Variants in MAN1A2 observed in about 807,000 individuals in gnomAD.
MAN1A2 encodes mannosyl-oligosaccharide 1,2-alpha-mannosidase IB.
A neutral mutation model predicts 75.7 loss-of-function variants in MAN1A2; 26 were observed. That is an observed-to-expected ratio of 0.34 (90% CI 0.25 to 0.48). The LOEUF (loss-of-function observed/expected upper bound fraction) is 0.48, where lower values mean the gene tolerates loss of function less well. Among genes scored for constraint, MAN1A2 ranks in the 20% least tolerant of loss-of-function variants. The pLI, the probability that MAN1A2 is intolerant of heterozygous loss-of-function variation, is 0.99. For missense variants in MAN1A2, 562 were observed against 775.5 expected (o/e 0.72, Z 3.27); for synonymous variants, 247 against 264.6 (o/e 0.93, Z 0.65).
chr1:117,447,278 A>G (rs1374808887), intron 6 of MAN1A2, among the ~76,000 whole-genome samples: 1 of 152,154 alleles, frequency 6.6e-6, no homozygotes, highest in Non-Finnish European at 1.5e-5. Context: ...TCAACACTTT[A>G]TATATAATCT....
At chr1:117,407,391 T>G (rs1647651233) in intron 3 of MAN1A2, among the ~76,000 whole-genome samples, 3 of 152,140 alleles carry the variant, frequency 2.0e-5, no homozygotes, top group Admixed American at 6.5e-5. Flanking sequence ...TTTTTGATCT[T>G]TTTCTTTTTT....
At chr1:117,516,855 G>C (rs548767669) in intron 12 of MAN1A2, among the ~76,000 whole-genome samples, 2 of 152,248 alleles carry the variant, frequency 1.3e-5, no homozygotes. Context: ...GAGAGCTGCA[G>C]AGAGAAATAA....
intron 5 of MAN1A2, among the ~76,000 whole-genome samples, chr1:117,433,699 T>G (rs1334023086): frequency 6.6e-6 from 1 of 152,202 alleles, no homozygotes; most frequent in African/African-American, 2.4e-5. Flanking sequence ...AGGAATGCCA[T>G]CGCAATACTG....
chr1:117,477,992 GACAA>G (rs367676378), intron 8 of MAN1A2, among the ~76,000 whole-genome samples: 205 of 152,066 alleles, frequency 1.3e-3, no homozygotes, highest in Middle Eastern at 3.4e-3. Context: ...ACCAATAATA[GACAA>G]ACAGAGAGCC....
At chr1:117,445,884 G>GTATATATATATATATATATATATA (rs59011673) in intron 6 of MAN1A2, among the ~76,000 whole-genome samples, 1 of 138,766 alleles carries the variant, frequency 7.2e-6, no homozygotes, top group Non-Finnish European at 1.6e-5. Context: ...CTGTGTGTGT[G>GTATATATATATATATATATATATA]TATATATATA....
intron 1 of MAN1A2, among the ~76,000 whole-genome samples, chr1:117,379,837 T>C (rs1653273005): frequency 6.6e-6 from 1 of 152,230 alleles, no homozygotes; most frequent in Non-Finnish European, 1.5e-5. Context: ...TTTTTATGGC[T>C]GAATAATATG....
intron 6 of MAN1A2, among the ~76,000 whole-genome samples, chr1:117,445,655 T>C (rs1165266883): frequency 2.6e-5 from 4 of 151,880 alleles, no homozygotes; most frequent in Admixed American, 2.6e-4. Flanking sequence ...GCCTCTCTAG[T>C]AGCTGAGACT....
chr1:117,392,972 A>T (rs1165633970), intron 1 of MAN1A2, among the ~76,000 whole-genome samples: 1 of 152,218 alleles, frequency 6.6e-6, no homozygotes, highest in East Asian at 1.9e-4. Context: ...ATTCATATTG[A>T]GAAACAGTTG....
intron 7 of MAN1A2, among the ~76,000 whole-genome samples, chr1:117,460,957 G>A (rs1649798406): frequency 6.6e-6 from 1 of 152,140 alleles, no homozygotes; most frequent in African/African-American, 2.4e-5. Flanking sequence ...GAAAACAGTA[G>A]TTATTCACAG....
At chr1:117,400,953 A>T (rs1175482310) in intron 1 of MAN1A2, among the ~76,000 whole-genome samples, 1 of 152,078 alleles carries the variant, frequency 6.6e-6, no homozygotes, top group Non-Finnish European at 1.5e-5. Flanking sequence ...ACCATCATCC[A>T]TTTCCAGAAC....
chr1:117,404,321 C>T (rs1019798207), intron 2 of MAN1A2, among the ~76,000 whole-genome samples: 62 of 152,018 alleles, frequency 4.1e-4, no homozygotes, highest in Admixed American at 3.7e-3. Flanking sequence ...GATTTTTGGT[C>T]TACTATTATA....
chr1:117,420,608 A>G lies in MAN1A2; in HGVS notation c.814A>G (p.Ile272Val), dbSNP rs753559918. 1.1e-5 allele frequency: 17 copies of G among 1,612,960 alleles called. No individual in the cohort carries two copies. In the African/African-American group the frequency reaches 1.7e-4, roughly 16 times the overall value. The change falls in exon 5 of 13, where the codon ATT becomes GTT. Residue 272 changes from isoleucine to valine, a missense_variant. By Grantham distance (29) the Ile-to-Val change is conservative (BLOSUM62 3). This residue lies in a region of MAN1A2 where 434 missense variants were observed against 645.7 expected (regional missense o/e 0.67). Transcript: ENST00000356554. ...TGTGTTTGAAGTCAACATTCGATTT[A>G]TTGGAGGCCTACTTGCAGCATATTA... Reference protein sequence around the residue: ...VSVFEVNIRFIGGLLAAYYLS... With the variant: ...VSVFEVNIRFVGGLLAAYYLS...
chr1:117,428,515 C>T (rs1648454149), intron 5 of MAN1A2, among the ~76,000 whole-genome samples: 1 of 152,048 alleles, frequency 6.6e-6, no homozygotes, highest in Non-Finnish European at 1.5e-5. Flanking sequence ...ATATCATACA[C>T]CTATATCCAG....
At chr1:117,447,287 C>A (rs1649266162) in intron 6 of MAN1A2, among the ~76,000 whole-genome samples, 1 of 152,036 alleles carries the variant, frequency 6.6e-6, no homozygotes, top group Non-Finnish European at 1.5e-5. Flanking sequence ...TATATATAAT[C>A]TCATTATTTT....
At chr1:117,444,359 C>T (rs1255609470) in intron 6 of MAN1A2, among the ~76,000 whole-genome samples, 1 of 149,462 alleles carries the variant, frequency 6.7e-6, no homozygotes, top group African/African-American at 2.5e-5. Context: ...GAAAATGGTT[C>T]TCAAGAATAC....
intron 6 of MAN1A2, among the ~76,000 whole-genome samples, chr1:117,449,107 T>C (rs1038155825): frequency 2.0e-5 from 3 of 152,176 alleles, no homozygotes; most frequent in African/African-American, 7.2e-5. Flanking sequence ...ATGTTGTCTC[T>C]GTTCTGACGG....
chr1:117,456,034 A>G (rs1649571315), intron 6 of MAN1A2, among the ~76,000 whole-genome samples: 1 of 152,198 alleles, frequency 6.6e-6, no homozygotes, highest in Non-Finnish European at 1.5e-5. Context: ...TTACTTGTAG[A>G]CTAGTGTATT....
chr1:117,429,825 C>T (rs1379712807), intron 5 of MAN1A2, among the ~76,000 whole-genome samples: 6 of 96,068 alleles, frequency 6.2e-5, no homozygotes, highest in African/African-American at 2.0e-4. Context: ...CCCCACCTCC[C>T]TCCCGGAGGG....
rs1185961041 is a variant in MAN1A2, at chr1:117,523,936, C to A, written c.*979C>A. On this transcript the variant is annotated 3_prime_UTR_variant, in exon 13 of 13. Transcript: ENST00000356554. The stretch of plus-strand genomic sequence containing the variant: ...TATTTATGTGGCTTGGCAAAAATCA[C>A]TATAAGGCAGCTCTAAATTTGCCTT... 6.6e-6 allele frequency: 1 copy of A among 152,120 alleles called. No homozygotes were observed. Among genetic ancestry groups the A allele is most frequent in the Non-Finnish European group, 1.5e-5 (1 of 67,798 alleles). The allele number at this position is 152,120 out of a possible 1,614,324, so 9.4% of individuals were successfully genotyped here.
Sources: gnomAD v4.1 joint callset for allele counts (sites outside exome capture counted in the v4.1 genomes callset) on GRCh38, gnomAD v4.1.1 for gene constraint, gnomAD v4.1.1 regional missense constraint, MANE v1.5 for transcripts, NCBI Gene and HGNC (gene_info 2026-07-23, HGNC 2026-07-21) for gene names.